Variants in SRBD1 observed in about 807,000 individuals in gnomAD.
The protein encoded by SRBD1 is S1 RNA-binding domain-containing protein 1.
Under a neutral mutation model 115.3 loss-of-function variants are expected in SRBD1, and 88 were observed. The ratio of observed to expected loss-of-function variants is 0.76; its 90% CI spans 0.64 to 0.91. SRBD1 has a LOEUF of 0.91. Ranked by LOEUF, SRBD1 falls within the 40% of genes least tolerant of loss-of-function variation. SRBD1 has a pLI of 0.00. For synonymous variants in SRBD1, 509 were observed against 407.7 expected, an observed-to-expected ratio of 1.25 and a Z score of -2.99; for missense variants, 1,385 against 1,177.4, an observed-to-expected ratio of 1.18 and a Z score of -2.58.
chr2:45,419,835 G>C lies in SRBD1; in HGVS notation c.2109C>G (p.Val703=), dbSNP rs1667944093. The change falls in exon 17 of 21, where the codon GTC becomes GTG. Residue 703 remains valine, a synonymous_variant. Transcript: ENST00000263736. The part of the protein sequence containing the change: ...ATLDSVVEEC[V]SFVGVDINIC... ...TGTTAATATCCACTCCCACAAAGCT[G>C]ACACATTCTTCTACAACACTGTCCA... The C allele has an allele frequency of 6.2e-7, 1 of 1,613,678 alleles. No homozygotes were observed. The highest frequency in any genetic ancestry group is 1.7e-5 in the Admixed American group (1 of 59,992).
intron 1 of SRBD1, among the ~76,000 whole-genome samples, chr2:45,609,534 G>A (rs1674379569): frequency 6.6e-6 from 1 of 152,130 alleles, no homozygotes; most frequent in Non-Finnish European, 1.5e-5. Context: ...CCTTCACTTA[G>A]AATCAAGCCA....
intron 15 of SRBD1, among the ~76,000 whole-genome samples, chr2:45,478,808 A>C (rs1332203130): frequency 1.3e-5 from 2 of 152,176 alleles, no homozygotes; most frequent in Admixed American, 1.3e-4. Flanking sequence ...AAACCAAGTC[A>C]AGAATTTAAG....
Position 45,446,494 on chromosome 2 carries a change from C to T in SRBD1, c.2050-26600G>A, listed in dbSNP as rs1476350446. Among the ~76,000 whole-genome samples, 6 of 152,258 alleles carry T rather than the reference C, an allele frequency of 3.9e-5. No homozygotes were observed. The East Asian group carries it at 1.2e-3, about 29-fold the overall frequency. On this transcript the variant is annotated intron_variant, in intron 16 of 20. Transcript: ENST00000263736. ...GATCCTCCCAAATCATTAATTCTCA[C>T]ATCTTAAGGATTGGGGATCCTTTTC...
chr2:45,558,835 G>A (rs928358068), intron 10 of SRBD1, among the ~76,000 whole-genome samples: 7 of 151,918 alleles, frequency 4.6e-5, no homozygotes, highest in African/African-American at 1.5e-4. Flanking sequence ...GGGGTTACAC[G>A]CATGCACCAC....
chr2:45,491,548 A>C (rs956086267), intron 14 of SRBD1, among the ~76,000 whole-genome samples: 1 of 152,192 alleles, frequency 6.6e-6, no homozygotes, highest in Admixed American at 6.5e-5. Flanking sequence ...AAACCAATAC[A>C]TTAGTATTTC....
chr2:45,448,439 C>T (rs866530073), intron 16 of SRBD1, among the ~76,000 whole-genome samples: 2 of 152,108 alleles, frequency 1.3e-5, no homozygotes, highest in African/African-American at 2.4e-5. Flanking sequence ...TTGGAGTGGA[C>T]CATTCTACTA....
At chr2:45,569,448 G>A (rs1484764827) in intron 9 of SRBD1, 2 of 151,984 alleles carry the variant, frequency 1.3e-5, no homozygotes, top group Admixed American at 6.6e-5. Flanking sequence ...CCTGCCTCAG[G>A]GTCCTGAGTA....
intron 19 of SRBD1, among the ~76,000 whole-genome samples, chr2:45,403,983 G>C (rs187151485): frequency 6.6e-5 from 10 of 152,244 alleles, no homozygotes; most frequent in African/African-American, 2.4e-4. Context: ...ATGTAAAAAT[G>C]AATAGAGGTG....
rs557142918 is a variant in SRBD1 at position 45,398,157 on chromosome 2, GT to G, written c.2514-5029del. 1.9e-3 allele frequency among the ~76,000 whole-genome samples: 282 copies of G among 152,140 alleles called. 2 individuals are homozygous for G. The highest frequency in any genetic ancestry group is 5.7e-3 in the African/African-American group (238 of 41,508). Reference sequence around the variant, plus strand: ...TCCAGTAGAACTTACAGCTGAGACCGTTTTTTTACAGTAAATTAACATACTA... The same window carrying G: ...TCCAGTAGAACTTACAGCTGAGACCGTTTTTTACAGTAAATTAACATACTA... On this transcript the variant is annotated intron_variant, in intron 19 of 20. Transcript: ENST00000263736.
intron 19 of SRBD1, among the ~76,000 whole-genome samples, chr2:45,402,125 A>C (rs1434294951): frequency 6.6e-6 from 1 of 152,036 alleles, no homozygotes; most frequent in Non-Finnish European, 1.5e-5. Context: ...AGAACCTTTT[A>C]AGGCCCTCCC....
intron 16 of SRBD1, among the ~76,000 whole-genome samples, chr2:45,433,530 T>C (rs902879354): frequency 5.9e-5 from 9 of 152,194 alleles, no homozygotes; most frequent in Admixed American, 4.6e-4. Context: ...TTGATTGACA[T>C]GTGACAGTTT....
chr2:45,454,938 T>A (rs980708842), intron 16 of SRBD1, among the ~76,000 whole-genome samples: 4 of 151,838 alleles, frequency 2.6e-5, no homozygotes, highest in Admixed American at 2.0e-4. Flanking sequence ...CTTGAATCCA[T>A]AATTTTTATA....
At chr2:45,492,112 C>T (rs913027053) in intron 14 of SRBD1, among the ~76,000 whole-genome samples, 1 of 152,166 alleles carries the variant, frequency 6.6e-6, no homozygotes, top group Admixed American at 6.5e-5. Context: ...TGAGCCACTA[C>T]GCCCAGTACA....
chr2:45,478,065 A>C (rs1053309580), intron 15 of SRBD1, among the ~76,000 whole-genome samples: 2 of 152,072 alleles, frequency 1.3e-5, no homozygotes, highest in African/African-American at 4.8e-5. Flanking sequence ...ACTCTTATGA[A>C]TAGTTCTAAA....
At chr2:45,483,584 TTTGCTTA>T (rs1195500986) in intron 15 of SRBD1, among the ~76,000 whole-genome samples, 1 of 152,152 alleles carries the variant, frequency 6.6e-6, no homozygotes, top group African/African-American at 2.4e-5. Flanking sequence ...AATCAGTTTA[TTTGCTTA>T]AAAGACTATA....
At chr2:45,574,447 A>G (rs546206620) in intron 8 of SRBD1, among the ~76,000 whole-genome samples, 180 bp downstream of exon 8, 2 of 152,324 alleles carry the variant, frequency 1.3e-5, no homozygotes, top group Non-Finnish European at 2.9e-5. Flanking sequence ...ATTCAATTAA[A>G]ACAACTTTAC....
At chr2:45,576,513 T>C (rs1474953329) in intron 7 of SRBD1, among the ~76,000 whole-genome samples, 1 of 152,226 alleles carries the variant, frequency 6.6e-6, no homozygotes, top group Non-Finnish European at 1.5e-5. Flanking sequence ...GAAAGAAATG[T>C]GGCTAATGAA....
chr2:45,499,521 T>C (rs1670561249), intron 14 of SRBD1, among the ~76,000 whole-genome samples: 1 of 152,196 alleles, frequency 6.6e-6, no homozygotes, highest in Non-Finnish European at 1.5e-5. Flanking sequence ...CATTTGTCTA[T>C]TTTTGCTTTG....
At position 45,585,761 on chromosome 2, in the gene SRBD1, C is replaced by T. The variant is rs767471305; in HGVS notation, c.662G>A (p.Arg221Lys). Residue 221 changes from arginine to lysine, a missense_variant, in exon 5 of 21, where the codon AGA (arginine) becomes AAA (lysine). Coordinates refer to ENST00000263736, the MANE Select transcript of SRBD1 (RefSeq NM_018079.5). Reference protein sequence around the residue: ...NWDMVQVLSERTNIEPWVCAN... With the variant: ...NWDMVQVLSEKTNIEPWVCAN... Reference sequence around the variant, plus strand: ...ACAAACCCAAGGTTCAATATTAGTTCTCTCAGATAAAACCTGCAAATTAAA... The same window carrying T: ...ACAAACCCAAGGTTCAATATTAGTTTTCTCAGATAAAACCTGCAAATTAAA... 1 of 1,596,318 alleles carries T rather than the reference C, an allele frequency of 6.3e-7. No homozygotes were observed. Among genetic ancestry groups the T allele is most frequent in the Non-Finnish European group, 8.5e-7 (1 of 1,175,776 alleles).
Sources: gnomAD v4.1 joint callset for allele counts (sites outside exome capture counted in the v4.1 genomes callset) on GRCh38, gnomAD v4.1.1 for gene constraint, MANE v1.5 for transcripts, NCBI Gene and HGNC (gene_info 2026-07-23, HGNC 2026-07-21) for gene names.